The following MCC variants were observed in gnomAD, a reference collection of about 807,000 sequenced individuals.
MCC encodes the protein MCC regulator of Wnt signaling pathway.
In MCC, 90 loss-of-function variants were observed where a neutral mutation model predicts 116.2. The observed-to-expected ratio is 0.77, with a 90% confidence interval of 0.65 to 0.92. The LOEUF (loss-of-function observed/expected upper bound fraction) is 0.92. Among genes scored for constraint, MCC ranks in the 40% least tolerant of loss-of-function variants. MCC has a pLI of 0.00. For synonymous variants in MCC, 578 were observed against 510.5 expected, an observed-to-expected ratio of 1.13 and a Z score of -1.78; for missense variants, 1,516 against 1,312.2, an observed-to-expected ratio of 1.16 and a Z score of -2.40.
At chr5:113,441,818 C>A (rs1771051180) in intron 1 of MCC, among the ~76,000 whole-genome samples, 1 of 152,186 alleles carries the variant, frequency 6.6e-6, no homozygotes, top group Admixed American at 6.5e-5. Flanking sequence ...CATGTCCCTG[C>A]AAAGCACATG....
intron 8 of MCC, among the ~76,000 whole-genome samples, chr5:113,087,995 C>T (rs1755322604): frequency 6.6e-6 from 1 of 152,206 alleles, no homozygotes; most frequent in African/African-American, 2.4e-5. Context: ...TTACTCTAAT[C>T]ATTTTCCTTG....
Position 113,082,928 on chromosome 5 carries a change from G to C in MCC, c.1716C>G (p.Tyr572Ter). 1 of 1,614,206 alleles carries C rather than the reference G, an allele frequency of 6.2e-7. No individual in the cohort carries two copies. The highest frequency in any genetic ancestry group is 2.2e-5 in the East Asian group (1 of 44,884). ...TTTCTGAGATGGCAGATCCGTGTGA[G>C]TAGAGTGTTTGGAAAATCTCTTGGA... ...SNIQEIFQTLYSHGSAISESK... is the reference protein window; with the variant it reads ...SNIQEIFQTL Residue 572 changes from tyrosine to a stop codon, truncating the protein, a stop_gained, in exon 11 of 19, where the codon TAC (tyrosine) becomes TAG (stop). Transcript: ENST00000408903. LOFTEE classifies it high-confidence loss of function.
At chr5:113,347,178 G>A (rs905950605) in intron 2 of MCC, among the ~76,000 whole-genome samples, 12 of 152,036 alleles carry the variant, frequency 7.9e-5, no homozygotes, top group Non-Finnish European at 1.3e-4. Context: ...AAGCACACAG[G>A]AAAAGACAGA....
In MCC at chr5:113,340,729, A is replaced by C. The variant is rs539216306; in HGVS notation, c.417T>G (p.Gly139=). The C allele has an allele frequency of 1.2e-6, 2 of 1,612,828 alleles. No individual in the cohort carries two copies. The highest frequency in any genetic ancestry group is 3.3e-5 in the Admixed American group (2 of 59,990). ...AGCTCTCCCTGGCTGCTGATAAGGCACCTAAGTCCGAGAGAAGCAGAGAAA... is the reference window on the plus strand; with the variant it reads ...AGCTCTCCCTGGCTGCTGATAAGGCCCCTAAGTCCGAGAGAAGCAGAGAAA... ...SWPTSSDNSL[G]ALSAARESWE... Residue 139 remains glycine (G), a splice_region_variant and synonymous_variant, in exon 3 of 19, where the codon GGT becomes GGG. Transcript: ENST00000408903.
At chr5:113,376,099 C>A (rs1479508663) in intron 2 of MCC, among the ~76,000 whole-genome samples, 2 of 152,080 alleles carry the variant, frequency 1.3e-5, no homozygotes, top group Non-Finnish European at 2.9e-5. Context: ...AAAAAATTAA[C>A]CTTGGTAATA....
chr5:113,434,716 T>C lies in MCC; in HGVS notation c.171-49504A>G. On this transcript the variant is annotated intron_variant, in intron 1 of 18. Coordinates refer to ENST00000408903, the MANE Select transcript of MCC (RefSeq NM_001085377.2). The surrounding 1 kb of genome is among the most constrained non-coding windows in gnomAD (Gnocchi z 4.2). ...GCGGGGGCCTTCTTGCGGTCGATGA[T>C]CTTGATCGCCACATTGAACTTCAGG... The C allele has an allele frequency of 4.3e-6, 7 of 1,614,052 alleles. No individual in the cohort carries two copies. Among genetic ancestry groups the C allele is most frequent in the Non-Finnish European group, 5.9e-6 (7 of 1,179,958 alleles).
At chr5:113,382,270 C>CTTT (rs112153904) in intron 2 of MCC, among the ~76,000 whole-genome samples, 2 of 136,242 alleles carry the variant, frequency 1.5e-5, no homozygotes, top group African/African-American at 2.7e-5. Context: ...AATTATTGTC[C>CTTT]TTTTTTTTTT....
intron 1 of MCC, among the ~76,000 whole-genome samples, chr5:113,449,209 G>A (rs1771312406): frequency 6.6e-6 from 1 of 152,052 alleles, no homozygotes; most frequent in Non-Finnish European, 1.5e-5. Flanking sequence ...TCAGCACCAG[G>A]GATTTAAGTG....
chr5:113,044,731 C>T lies in MCC; in HGVS notation c.2656-1101G>A, dbSNP rs941372748. On this transcript the variant is annotated intron_variant, in intron 16 of 18. Coordinates refer to ENST00000408903, the MANE Select transcript of MCC (RefSeq NM_001085377.2). ...CTGGGATTACAGGCATGTGCCACCA[C>T]GTCTGGCTAATTTTGTATTTTTAGT... Among the ~76,000 whole-genome samples the T allele has an allele frequency of 3.9e-5, 6 of 152,262 alleles. 1 individual carries two copies. The highest frequency in any genetic ancestry group is 3.9e-4 in the East Asian group (2 of 5,166).
chr5:113,444,438 T>C (rs551089378), intron 1 of MCC, among the ~76,000 whole-genome samples: 1 of 152,318 alleles, frequency 6.6e-6, no homozygotes, highest in East Asian at 1.9e-4. Context: ...AGTTACTGGA[T>C]TGAGTTTCTT....
At chr5:113,057,812 C>T (rs545126168) in intron 14 of MCC, among the ~76,000 whole-genome samples, 6 of 152,320 alleles carry the variant, frequency 3.9e-5, no homozygotes, top group Admixed American at 3.3e-4. Flanking sequence ...GTTCCACAGG[C>T]GAACGCGCGA....
Position 113,075,593 on chromosome 5 carries a change from T to G in MCC, c.1785-4359A>C, listed in dbSNP as rs921908114. Among the ~76,000 whole-genome samples, 15 of 152,192 alleles carry G rather than the reference T, an allele frequency of 9.9e-5. No individual in the cohort carries two copies. In the East Asian group the frequency reaches 2.7e-3, roughly 27 times the overall value. On this transcript the variant is annotated intron_variant, in intron 11 of 18. Coordinates refer to ENST00000408903, the MANE Select transcript of MCC (RefSeq NM_001085377.2). ...CTGTGTCTAGCTCAAGGTTTGTAAA[T>G]GCACCAGTCAGCACCCTGTCAAAAC...
chr5:113,143,098 T>C (rs1488985974), intron 5 of MCC, 120 bp downstream of exon 5: 2 of 1,037,524 alleles, frequency 1.9e-6, no homozygotes, highest in East Asian at 5.4e-5. Flanking sequence ...CATTATAATC[T>C]AGTTTATAAT....
intron 3 of MCC, among the ~76,000 whole-genome samples, chr5:113,273,866 A>G (rs1208735098): frequency 6.6e-6 from 1 of 152,128 alleles, no homozygotes; most frequent in Non-Finnish European, 1.5e-5. Flanking sequence ...GTTAAAAAGC[A>G]TTATGCTCTG....
chr5:113,136,584 T>A (rs541517394), intron 5 of MCC, among the ~76,000 whole-genome samples: 19 of 152,298 alleles, frequency 1.2e-4, no homozygotes, highest in Admixed American at 2.0e-4. Context: ...TTAAACCTTT[T>A]TAGATCTAAA....
At chr5:113,363,685 C>T (rs981044372) in intron 2 of MCC, among the ~76,000 whole-genome samples, 3 of 152,182 alleles carry the variant, frequency 2.0e-5, no homozygotes, top group Non-Finnish European at 2.9e-5. Context: ...CAAACCCTAT[C>T]GTTCCACCTC....
intron 1 of MCC, among the ~76,000 whole-genome samples, chr5:113,392,896 T>A (rs1769434859): frequency 6.6e-6 from 1 of 152,150 alleles, no homozygotes; most frequent in African/African-American, 2.4e-5. Flanking sequence ...TGGCATCACA[T>A]AATGAAATAC....
intron 3 of MCC, among the ~76,000 whole-genome samples, chr5:113,291,731 G>A (rs1766501933): frequency 6.6e-6 from 1 of 152,160 alleles, no homozygotes; most frequent in South Asian, 2.1e-4. Flanking sequence ...TGGCAACTTT[G>A]CCCTACAAGA....
rs1176523565 is a variant in MCC, at chr5:113,025,415, A to C, written c.*1887T>G. The C allele has an allele frequency of 1.3e-5, 2 of 152,042 alleles. No homozygotes were observed. Among genetic ancestry groups the C allele is most frequent in the East Asian group, 1.9e-4 (1 of 5,184 alleles). 9.4% of individuals were successfully genotyped at this position (152,042 alleles called of 1,614,324 possible). On this transcript the variant is annotated 3_prime_UTR_variant, in exon 19 of 19. Transcript: ENST00000408903. Reference sequence around the variant, plus strand: ...GGCCGAGGTGGGTGGATCAGTGGTCAGGAGTTCGAGACCAGCCTGGCCAAC... The same window carrying C: ...GGCCGAGGTGGGTGGATCAGTGGTCCGGAGTTCGAGACCAGCCTGGCCAAC...
Sources: allele counts gnomAD v4.1 joint callset (sites outside exome capture counted in the v4.1 genomes callset), GRCh38; gene constraint gnomAD v4.1.1; non-coding constraint Gnocchi (gnomAD v3.1); transcripts MANE v1.5; gene names NCBI Gene and HGNC (gene_info 2026-07-23, HGNC 2026-07-21).